The following ZNF280D variants were observed in gnomAD, a reference collection of about 807,000 sequenced individuals.
The protein encoded by ZNF280D is zinc finger protein 280D, also known as suppressor of hairy wing homolog 4.
ZNF280D carries 39 observed loss-of-function variants against 94.7 expected under a neutral mutation model. That is an observed-to-expected ratio of 0.41 (90% CI 0.32 to 0.54). The LOEUF (loss-of-function observed/expected upper bound fraction) is 0.54, where lower values mean the gene tolerates loss of function less well. Among genes scored for constraint, ZNF280D ranks in the 20% least tolerant of loss-of-function variants. The pLI is 0.22. For missense variants in ZNF280D, 1,090 were observed against 1,149.3 expected (o/e 0.95, Z 0.75); for synonymous variants, 398 against 377.6 (o/e 1.05, Z -0.63).
At chr15:56,637,169 ATTT>A (rs10659333) in intron 20 of ZNF280D, among the ~76,000 whole-genome samples, 2 of 138,464 alleles carry the variant, frequency 1.4e-5, no homozygotes, top group Non-Finnish European at 3.1e-5. Context: ...TCCAGAATGA[ATTT>A]TTTTTTTTTT....
intron 17 of ZNF280D, 27 bp from the exon 18 acceptor site, chr15:56,654,530 TTTTTATC>T (rs1256475377): frequency 6.5e-7 from 1 of 1,540,800 alleles, no homozygotes; most frequent in South Asian, 1.2e-5. Context: ...TAAAAAAAGA[TTTTTATC>T]TTTTATGAAA....
At chr15:56,656,939 G>C (rs1596372189) in intron 17 of ZNF280D, among the ~76,000 whole-genome samples, 1 of 152,080 alleles carries the variant, frequency 6.6e-6, no homozygotes, top group Non-Finnish European at 1.5e-5. Context: ...AGGCCTAAAG[G>C]AGACAAAAGA....
At chr15:56,634,590 T>C (rs2052259990) in intron 21 of ZNF280D, among the ~76,000 whole-genome samples, 1 of 152,134 alleles carries the variant, frequency 6.6e-6, no homozygotes, top group African/African-American at 2.4e-5. Context: ...CAGTAAAATA[T>C]ATAGCATACA....
chr15:56,698,513 G>A (rs1421763781), intron 6 of ZNF280D: 1 of 152,148 alleles, frequency 6.6e-6, no homozygotes, highest in Non-Finnish European at 1.5e-5. Context: ...GATTGACTAA[G>A]CGTGTGTGGC....
chr15:56,694,300 C>G (rs990397241), intron 6 of ZNF280D, among the ~76,000 whole-genome samples: 11 of 73,470 alleles, frequency 1.5e-4, no homozygotes, highest in Non-Finnish European at 2.8e-4. Flanking sequence ...CACATACACA[C>G]ACACACACAC....
At position 56,687,786 on chromosome 15, in the gene ZNF280D, C is replaced by T. The variant is rs78114800; in HGVS notation, c.780+1255G>A. On this transcript the variant is annotated intron_variant, in intron 9 of 21. Transcript: ENST00000267807. ...ATTCTCCTATAAGACCAAAACACAA[C>T]GTGCAGTTATCCAGGGCTATACTCT... Among the ~76,000 whole-genome samples, 14 of 152,234 alleles carry T rather than the reference C, an allele frequency of 9.2e-5. No homozygotes were observed. In the East Asian group the frequency reaches 1.5e-3, roughly 17 times the overall value.
rs533621666 is a variant in ZNF280D, at chr15:56,715,411, C to T, written c.-85-8105G>A. On this transcript the variant is annotated intron_variant, in intron 1 of 21. Transcript: ENST00000267807. ...TCACTAGAGTTTGGTGTGTGTGATG[C>T]AACAGATGATAGTGATTGAAGATAG... Among the ~76,000 whole-genome samples the T allele has an allele frequency of 1.2e-4, 18 of 152,178 alleles. No individual in the cohort carries two copies. In the South Asian group the frequency reaches 1.9e-3, roughly 16 times the overall value.
At position 56,701,208 on chromosome 15, in the gene ZNF280D, T is replaced by C; in HGVS notation, c.206A>G (p.Tyr69Cys). Reference sequence around the variant, plus strand: ...TGCACCATTCTTTAGTCCCCTTGAATATGAGCTGGGGTTAACTCTGTTCAA... The same window carrying C: ...TGCACCATTCTTTAGTCCCCTTGAACATGAGCTGGGGTTAACTCTGTTCAA... Reference protein sequence around the residue: ...NILNRVNPSSYSRGLKNGALS... With the variant: ...NILNRVNPSSCSRGLKNGALS... Residue 69 changes from tyrosine (Y) to cysteine (C), a missense_variant, in exon 5 of 22, where the codon TAT (tyrosine) becomes TGT (cysteine). Around this residue, in one of 3 missense-constraint regions of ZNF280D, gnomAD observed 386 missense variants for 372.0 expected, o/e 1.04. Transcript: ENST00000267807. The C allele has an allele frequency of 6.3e-7, 1 of 1,585,488 alleles. No individual in the cohort carries two copies. The highest frequency in any genetic ancestry group is 1.1e-5 in the South Asian group (1 of 88,604).
intron 4 of ZNF280D, among the ~76,000 whole-genome samples, chr15:56,702,320 T>C (rs2057128425): frequency 2.0e-5 from 3 of 152,198 alleles, no homozygotes; most frequent in Admixed American, 6.5e-5. Flanking sequence ...GTGTAGTCTA[T>C]GGATCACAAG....
chr15:56,662,971 G>A (rs1042525551), intron 16 of ZNF280D, among the ~76,000 whole-genome samples: 5 of 151,704 alleles, frequency 3.3e-5, no homozygotes, highest in African/African-American at 9.7e-5. Flanking sequence ...AAGGAATACC[G>A]AATAGTCACT....
At chr15:56,660,094 A>G (rs1306055361) in intron 16 of ZNF280D, among the ~76,000 whole-genome samples, 1 of 152,070 alleles carries the variant, frequency 6.6e-6, no homozygotes, top group African/African-American at 2.4e-5. Flanking sequence ...TATCACAAAA[A>G]CAAAGTTTTG....
At chr15:56,643,833 C>G (rs563378029) in intron 19 of ZNF280D, among the ~76,000 whole-genome samples, 6 of 151,826 alleles carry the variant, frequency 4.0e-5, no homozygotes, top group African/African-American at 1.4e-4. Flanking sequence ...GGCTTAATAG[C>G]TATACCTAAG....
intron 17 of ZNF280D, among the ~76,000 whole-genome samples, chr15:56,658,079 T>G (rs1413056233): frequency 6.6e-6 from 1 of 152,140 alleles, no homozygotes; most frequent in Non-Finnish European, 1.5e-5. Context: ...TTATGCTAAA[T>G]GAAAGAAGCC....
chr15:56,636,958 A>C (rs544704127), intron 20 of ZNF280D, among the ~76,000 whole-genome samples: 5 of 152,072 alleles, frequency 3.3e-5, no homozygotes, highest in Admixed American at 6.6e-5. Flanking sequence ...GTCTAGACTT[A>C]TGAACACCAG....
intron 19 of ZNF280D, among the ~76,000 whole-genome samples, chr15:56,651,630 C>A (rs1227327508): frequency 6.6e-6 from 1 of 152,092 alleles, no homozygotes; most frequent in African/African-American, 2.4e-5. Context: ...CCTGCCCCCA[C>A]CCCACAGGTC....
rs2053381664 is a variant in ZNF280D at position 56,654,144 on chromosome 15, C to A, written c.2213+54G>T. Reference sequence around the variant, plus strand: ...CGTATTAATGATACATTTAAAAATGCAATAGTGCTAAAATCCATCAAAGTA... The same window carrying A: ...CGTATTAATGATACATTTAAAAATGAAATAGTGCTAAAATCCATCAAAGTA... On this transcript the variant is annotated intron_variant, in intron 19 of 21. Transcript: ENST00000267807. 12 of 1,569,744 alleles carry A rather than the reference C, an allele frequency of 7.6e-6. 1 individual carries two copies. In the Admixed American group the frequency reaches 2.1e-4, roughly 27 times the overall value.
At chr15:56,696,763 A>AT (rs1475672301) in intron 6 of ZNF280D, among the ~76,000 whole-genome samples, 1 of 152,240 alleles carries the variant, frequency 6.6e-6, no homozygotes, top group African/African-American at 2.4e-5. Flanking sequence ...CTTTGACTGC[A>AT]CAGTAGAATC....
At chr15:56,717,658 C>A (rs1056521480) in intron 1 of ZNF280D, among the ~76,000 whole-genome samples, 1 of 152,030 alleles carries the variant, frequency 6.6e-6, no homozygotes, top group African/African-American at 2.4e-5. Context: ...TTCACCTAAT[C>A]CTCAAAAACT....
At chr15:56,670,187 C>A (rs1200958163) in intron 13 of ZNF280D, among the ~76,000 whole-genome samples, 1 of 144,560 alleles carries the variant, frequency 6.9e-6, no homozygotes, top group African/African-American at 2.6e-5. Flanking sequence ...TGAAATACAA[C>A]TGTTTATTTA....
Sources: allele counts gnomAD v4.1 joint callset (sites outside exome capture counted in the v4.1 genomes callset), GRCh38; gene constraint gnomAD v4.1.1; regional missense constraint gnomAD v4.1.1; transcripts MANE v1.5; gene names NCBI Gene and HGNC (gene_info 2026-07-23, HGNC 2026-07-21).